The following ROR2 variants were observed in gnomAD, a reference collection of about 807,000 sequenced individuals.
ROR2 encodes the protein ROR family WNT receptor 2, also known as tyrosine-protein kinase transmembrane receptor ROR2.
In ROR2, 33 loss-of-function variants were observed where a neutral mutation model predicts 74.9. The ratio of observed to expected loss-of-function variants is 0.44; its 90% confidence interval spans 0.33 to 0.59. ROR2 has a LOEUF of 0.59. ROR2 is among the 20% of genes least tolerant of loss of function. ROR2 has a pLI of 0.02. For missense variants in ROR2, 1,216 were observed against 1,313.8 expected, an observed-to-expected ratio of 0.93 and a Z score of 1.15; for synonymous variants, 586 against 558.7, an observed-to-expected ratio of 1.05 and a Z score of -0.69.
intron 1 of ROR2, among the ~76,000 whole-genome samples, chr9:91,865,212 G>A (rs956879346): frequency 6.6e-6 from 1 of 152,092 alleles, no homozygotes; most frequent in African/African-American, 2.4e-5. Context: ...CCACATGAAG[G>A]CACTTGCTGC....
chr9:91,756,137 C>T (rs1796190280), intron 3 of ROR2, 36 bp from the exon 4 acceptor site: 2 of 1,607,580 alleles, frequency 1.2e-6, no homozygotes, highest in East Asian at 2.2e-5. Flanking sequence ...GTTATTAATA[C>T]TCCATGATTT....
At chr9:91,862,311 C>A (rs1287103563) in intron 1 of ROR2, among the ~76,000 whole-genome samples, 1 of 151,686 alleles carries the variant, frequency 6.6e-6, no homozygotes, top group Non-Finnish European at 1.5e-5. Context: ...GCCTGGGTGA[C>A]AGAGCGAGAC....
At chr9:91,852,113 GGTTT>G (rs759602034) in intron 1 of ROR2, among the ~76,000 whole-genome samples, 1 of 151,928 alleles carries the variant, frequency 6.6e-6, no homozygotes, top group Non-Finnish European at 1.5e-5. Flanking sequence ...TGCTGCTACT[GGTTT>G]TTTTTCTATT....
chr9:91,792,459 C>A (rs1300827531), intron 1 of ROR2, among the ~76,000 whole-genome samples: 4 of 152,128 alleles, frequency 2.6e-5, no homozygotes, highest in Non-Finnish European at 5.9e-5. Flanking sequence ...CAGGCGCCCG[C>A]CACCACGCCC....
At chr9:91,855,179 G>A (rs974932448) in intron 1 of ROR2, among the ~76,000 whole-genome samples, 1 of 152,120 alleles carries the variant, frequency 6.6e-6, no homozygotes, top group East Asian at 1.9e-4. Flanking sequence ...CAGGACCCAC[G>A]TTCACATTAG....
rs775823582 is a variant in ROR2 at position 91,927,562 on chromosome 9, C to CTTTTTTTTTTTTTTTTTTTTT, written c.97+22284_97+22304dup. Among the ~76,000 whole-genome samples, 10 of 94,946 alleles carry CTTTTTTTTTTTTTTTTTTTTT rather than the reference C, an allele frequency of 1.1e-4. 1 individual carries two copies. The highest frequency in any genetic ancestry group is 1.6e-4 in the Non-Finnish European group (8 of 50,502). The allele number at this position is 94,946 out of a possible 152,430, so 62.3% of individuals were successfully genotyped here. Reference sequence around the variant, plus strand: ...TGGCTGGCTCTGTGTTTTCTAGATTCTTTTTTTTTTTTTTTTTTTTTGAGA... The same window carrying CTTTTTTTTTTTTTTTTTTTTT: ...TGGCTGGCTCTGTGTTTTCTAGATTCTTTTTTTTTTTTTTTTTTTTTTTTTTTTTTTTTTTTTTTTTTGAGA... On this transcript the variant is annotated intron_variant, in intron 1 of 8. Transcript: ENST00000375708.
intron 1 of ROR2, among the ~76,000 whole-genome samples, chr9:91,826,677 G>T (rs766556765): frequency 1.3e-5 from 2 of 151,988 alleles, no homozygotes; most frequent in Admixed American, 6.6e-5. Context: ...CCAGCTACTC[G>T]GGAGGCTGAG....
Position 91,723,402 on chromosome 9 carries a change from C to A in ROR2, c.*260G>T. 1.8e-6 allele frequency: 1 copy of A among 559,238 alleles called. No homozygotes were observed. Among genetic ancestry groups the A allele is most frequent in the Non-Finnish European group, 3.2e-6 (1 of 313,152 alleles). The allele number at this position is 559,238 out of a possible 1,614,324, so 34.6% of individuals were successfully genotyped here. ...CTACCACCAGAATCAATGTATACAG[C>A]CCTGGGGATGACCATGTGTCCTGCT... On this transcript the variant is annotated 3_prime_UTR_variant, in exon 9 of 9. Transcript: ENST00000375708.
At chr9:91,895,289 C>T (rs956241099) in intron 1 of ROR2, among the ~76,000 whole-genome samples, 4 of 152,112 alleles carry the variant, frequency 2.6e-5, no homozygotes, top group East Asian at 1.9e-4. Flanking sequence ...AAAATTTTTA[C>T]GGCATTGAAA....
intron 1 of ROR2, among the ~76,000 whole-genome samples, chr9:91,802,507 C>T (rs1224879746): frequency 6.6e-6 from 1 of 152,150 alleles, no homozygotes; most frequent in Non-Finnish European, 1.5e-5. Context: ...ACTGCTTACA[C>T]CCAAAAGACA....
At chr9:91,903,850 T>C (rs1830735130) in intron 1 of ROR2, among the ~76,000 whole-genome samples, 1 of 152,222 alleles carries the variant, frequency 6.6e-6, no homozygotes, top group Non-Finnish European at 1.5e-5. Context: ...TTATTTTACG[T>C]ATTTAAAGGG....
At position 91,737,336 on chromosome 9, in the gene ROR2, G is replaced by A. The variant is rs7855522; in HGVS notation, c.622+55C>T. The A allele has an allele frequency of 0.47, 762,342 of 1,610,388 alleles. 182,563 individuals carry two copies. The highest frequency in any genetic ancestry group is 0.49 in the Non-Finnish European group (575,858 of 1,177,764). ...GAAACACAGTGGCCACCATCTGTGC[G>A]ACAGATGGCTGTGTGCATGCTTATC... On this transcript the variant is annotated intron_variant, in intron 5 of 8. Transcript: ENST00000375708.
intron 7 of ROR2, among the ~76,000 whole-genome samples, chr9:91,728,407 A>C (rs963080174): frequency 1.3e-5 from 2 of 151,532 alleles, no homozygotes; most frequent in African/African-American, 4.9e-5. Context: ...ACTTTATTTT[A>C]TTTATTTTTG....
intron 2 of ROR2, among the ~76,000 whole-genome samples, chr9:91,764,148 T>C (rs1478544933): frequency 6.6e-6 from 1 of 152,352 alleles, no homozygotes; most frequent in South Asian, 2.1e-4. Flanking sequence ...TCAGTTTTAT[T>C]ACATCATTTG....
chr9:91,892,575 TTTTTCTTTTC>T (rs972880546), intron 1 of ROR2, among the ~76,000 whole-genome samples: 1 of 148,130 alleles, frequency 6.8e-6, no homozygotes, highest in Non-Finnish European at 1.5e-5. Flanking sequence ...ATTCTTTTTC[TTTTTCTTTTC>T]TTTTCTTTTT....
chr9:91,913,756 T>C (rs575446237), intron 1 of ROR2, among the ~76,000 whole-genome samples: 1 of 152,302 alleles, frequency 6.6e-6, no homozygotes, highest in Admixed American at 6.5e-5. Context: ...ATACGAGGTA[T>C]CTACAGCAAT....
intron 1 of ROR2, among the ~76,000 whole-genome samples, chr9:91,808,019 G>A (rs1334455841): frequency 6.6e-6 from 1 of 152,064 alleles, no homozygotes; most frequent in Non-Finnish European, 1.5e-5. Context: ...CTATAATTAT[G>A]TTGTTTAGGT....
At chr9:91,750,195 C>A (rs1417843676) in intron 4 of ROR2, among the ~76,000 whole-genome samples, 1 of 152,196 alleles carries the variant, frequency 6.6e-6, no homozygotes, top group Non-Finnish European at 1.5e-5. Context: ...AGCCGCTGCA[C>A]CCGGCCGAAA....
chr9:91,919,459 G>A (rs1341796713), intron 1 of ROR2, among the ~76,000 whole-genome samples: 2 of 152,168 alleles, frequency 1.3e-5, no homozygotes, highest in Non-Finnish European at 2.9e-5. Flanking sequence ...CGCTGTCTCC[G>A]AGCACTGGAC....
Sources: allele counts gnomAD v4.1 joint callset (sites outside exome capture counted in the v4.1 genomes callset), GRCh38; gene constraint gnomAD v4.1.1; transcripts MANE v1.5; gene names NCBI Gene and HGNC (gene_info 2026-07-23, HGNC 2026-07-21).